The following TARS3 variants were observed in gnomAD, a reference collection of about 807,000 sequenced individuals.
TARS3 encodes the protein threonine--tRNA ligase 2, cytoplasmic.
Under a neutral mutation model 103.5 loss-of-function variants are expected in TARS3, and 94 were observed. The ratio of observed to expected loss-of-function variants is 0.91; its 90% CI spans 0.77 to 1.08. The LOEUF (loss-of-function observed/expected upper bound fraction) is 1.08. Among genes scored for constraint, TARS3 ranks in the 50% least tolerant of loss-of-function variants. The probability of loss-of-function intolerance (pLI) is 0.00; values close to 1 mark genes in which losing one functional copy is unlikely to be tolerated. For missense variants in TARS3, 952 were observed against 995.2 expected, an observed-to-expected ratio of 0.96 and a Z score of 0.58; for synonymous variants, 416 against 355.4, an observed-to-expected ratio of 1.17 and a Z score of -1.92.
intron 10 of TARS3, among the ~76,000 whole-genome samples, chr15:101,692,633 T>C (rs377035478): frequency 7.9e-4 from 109 of 137,544 alleles, no homozygotes; most frequent in African/African-American, 1.1e-3. Context: ...CTCTCCTCCA[T>C]GGCTCCAAGC....
At chr15:101,716,471 G>A (rs940160328) in intron 3 of TARS3, among the ~76,000 whole-genome samples, 2 of 151,780 alleles carry the variant, frequency 1.3e-5, no homozygotes, top group African/African-American at 4.8e-5. Flanking sequence ...TCATAATTAT[G>A]TGATTTTATA....
intron 10 of TARS3, among the ~76,000 whole-genome samples, chr15:101,689,016 T>C (rs1898592668): frequency 6.6e-6 from 1 of 152,196 alleles, no homozygotes; most frequent in South Asian, 2.1e-4. Context: ...ATAACATGTT[T>C]TGGTGCCCAA....
At chr15:101,702,510 C>A in intron 8 of TARS3, 125 bp from the exon 9 acceptor site, 1 of 799,014 alleles carries the variant, frequency 1.3e-6, no homozygotes, top group Non-Finnish European at 2.0e-6. Context: ...TGGCTCATGC[C>A]TATAATCCCA....
chr15:101,703,083 C>T (rs1466726557), intron 8 of TARS3, among the ~76,000 whole-genome samples: 1 of 152,176 alleles, frequency 6.6e-6, no homozygotes, highest in Non-Finnish European at 1.5e-5. Context: ...CCCATTTTAC[C>T]TGTAAGAAAA....
chr15:101,671,617 G>A (rs1897807747), intron 14 of TARS3, 31 bp from the exon 15 acceptor site: 2 of 1,609,272 alleles, frequency 1.2e-6, no homozygotes, highest in African/African-American at 2.7e-5. Context: ...GCTCAGAAAA[G>A]AGTATTTATT....
At chr15:101,691,611 C>T (rs556995045) in intron 10 of TARS3, among the ~76,000 whole-genome samples, 3 of 152,238 alleles carry the variant, frequency 2.0e-5, no homozygotes, top group Admixed American at 6.5e-5. Flanking sequence ...TTTTATTTCA[C>T]ATATTTGAGA....
intron 5 of TARS3, among the ~76,000 whole-genome samples, chr15:101,710,115 C>G (rs548190324): frequency 1.3e-5 from 2 of 152,282 alleles, no homozygotes; most frequent in African/African-American, 4.8e-5. Flanking sequence ...AATTGTGCCT[C>G]TATAATGAAA....
chr15:101,723,999 C>T (rs1900629571), intron 1 of TARS3, 92 bp downstream of exon 1: 1 of 1,216,016 alleles, frequency 8.2e-7, no homozygotes, highest in East Asian at 3.2e-5. Flanking sequence ...GGGGCGCCCC[C>T]GCACCTGCCC....
rs751585469 is a variant in TARS3, at chr15:101,675,724, A to C, written c.1664T>G (p.Ile555Arg). Residue 555 changes from isoleucine (I) to arginine (R), a missense_variant, in exon 13 of 19, where the codon ATA becomes AGA. Transcript: ENST00000335968. Reference sequence around the variant, plus strand: ...TTGCAAAAACTGCAAACACCCCTTTATTTCTTCTTCAATCTGAAATCAAAG... The same window carrying C: ...TTGCAAAAACTGCAAACACCCCTTTCTTTCTTCTTCAATCTGAAATCAAAG... ...FCTVEQIEEE[I>R]KGCLQFLQSV... 4 of 1,609,954 alleles carry C rather than the reference A, an allele frequency of 2.5e-6. No homozygotes were observed. Among genetic ancestry groups the C allele is most frequent in the Non-Finnish European group, 3.4e-6 (4 of 1,179,042 alleles).
intron 3 of TARS3, among the ~76,000 whole-genome samples, 170 bp downstream of exon 3, chr15:101,720,956 G>A (rs1008245064): frequency 4.6e-5 from 7 of 152,122 alleles, no homozygotes; most frequent in African/African-American, 1.4e-4. Flanking sequence ...CCAGCCCTGC[G>A]GAACTGTGAG....
At chr15:101,708,364 A>G (rs1480486805) in intron 6 of TARS3, among the ~76,000 whole-genome samples, 1 of 151,954 alleles carries the variant, frequency 6.6e-6, no homozygotes, top group Non-Finnish European at 1.5e-5. Flanking sequence ...ATATTTAAGT[A>G]CGTTGGTCAA....
rs1898279312 is a variant in TARS3, at chr15:101,682,124, CTCTT to C, written c.1650+1947_1650+1950del. Among the ~76,000 whole-genome samples the C allele has an allele frequency of 2.6e-5, 4 of 152,154 alleles. No homozygotes were observed. The South Asian group carries it at 8.3e-4, about 32-fold the overall frequency. ...TTTCCAATCTAGGTGTTTTTTATTT[CTCTT>C]TCTTAACTTACTGCATCAGAAAGAA... On this transcript the variant is annotated intron_variant, in intron 12 of 18. Coordinates refer to ENST00000335968, the MANE Select transcript of TARS3 (RefSeq NM_152334.3).
intron 12 of TARS3, among the ~76,000 whole-genome samples, chr15:101,681,982 T>C (rs911086102): frequency 2.6e-5 from 4 of 152,256 alleles, no homozygotes; most frequent in Non-Finnish European, 5.9e-5. Context: ...AATTCATTTT[T>C]GTATGTTGAT....
chr15:101,714,819 G>A, intron 4 of TARS3, 21 bp downstream of exon 4: 1 of 1,595,706 alleles, frequency 6.3e-7, no homozygotes, highest in Non-Finnish European at 8.5e-7. Context: ...AAGTTTGGCT[G>A]TCTGGTTTTT....
intron 3 of TARS3, among the ~76,000 whole-genome samples, chr15:101,718,787 C>G (rs1003356074): frequency 6.6e-6 from 1 of 152,196 alleles, no homozygotes; most frequent in Non-Finnish European, 1.5e-5. Flanking sequence ...AGTGAGATTA[C>G]TTTCATGTGG....
intron 15 of TARS3, among the ~76,000 whole-genome samples, chr15:101,666,221 C>T (rs561268118): frequency 2.0e-4 from 30 of 152,142 alleles, no homozygotes; most frequent in African/African-American, 6.5e-4. Context: ...CGGTGGCTCA[C>T]GCCTGTAATC....
In TARS3 at chr15:101,720,905, G is replaced by A. The variant is rs114071911; in HGVS notation, c.566+221C>T. On this transcript the variant is annotated intron_variant, in intron 3 of 18. Transcript: ENST00000335968. The stretch of plus-strand genomic sequence containing the variant: ...CTGCCATGTGAAGAAGGACATGCTT[G>A]CTTCCCCTTCTGCCACGACTGTAAG... 1.3e-3 allele frequency among the ~76,000 whole-genome samples: 198 copies of A among 152,306 alleles called. 3 individuals are homozygous for A. Among genetic ancestry groups the A allele is most frequent in the African/African-American group, 4.3e-3 (179 of 41,570 alleles).
At chr15:101,686,957 A>G (rs551698109) in intron 10 of TARS3, among the ~76,000 whole-genome samples, 1 of 152,068 alleles carries the variant, frequency 6.6e-6, no homozygotes, top group Admixed American at 6.6e-5. Context: ...ATAAAACATA[A>G]CATTTTAAGA....
At chr15:101,707,723 A>G (rs922496741) in intron 6 of TARS3, among the ~76,000 whole-genome samples, 4 of 152,132 alleles carry the variant, frequency 2.6e-5, no homozygotes, top group African/African-American at 9.7e-5. Context: ...CTAATGTTTA[A>G]TGGGTATAGA....
Sources: gnomAD v4.1 joint callset for allele counts (sites outside exome capture counted in the v4.1 genomes callset) on GRCh38, gnomAD v4.1.1 for gene constraint, MANE v1.5 for transcripts, NCBI Gene and HGNC (gene_info 2026-07-23, HGNC 2026-07-21) for gene names.